The following CATSPERE variants were observed in gnomAD, a reference collection of about 807,000 sequenced individuals.
CATSPERE encodes catsper channel auxiliary subunit epsilon.
CATSPERE carries 93 observed loss-of-function variants against 114.1 expected under a neutral mutation model. That is an observed-to-expected ratio of 0.81 (90% CI 0.69 to 0.97). The LOEUF (loss-of-function observed/expected upper bound fraction) is 0.97. Among genes scored for constraint, CATSPERE ranks in the 50% least tolerant of loss-of-function variants. The pLI is 0.00. For missense variants in CATSPERE, 1,058 were observed against 1,131.6 expected (o/e 0.93, Z 0.93); for synonymous variants, 341 against 384.1 (o/e 0.89, Z 1.31).
intron 8 of CATSPERE, among the ~76,000 whole-genome samples, chr1:244,548,789 G>C (rs186512877): frequency 1.0e-3 from 156 of 152,336 alleles, no homozygotes; most frequent in African/African-American, 3.6e-3. Flanking sequence ...CCAGAAGGCT[G>C]TATATGCTCT....
intron 7 of CATSPERE, 72 bp downstream of exon 7, chr1:244,499,151 T>C: frequency 8.7e-7 from 1 of 1,150,558 alleles, no homozygotes; most frequent in Non-Finnish European, 1.3e-6. Context: ...CTGTGAAAAA[T>C]TTATAATCAA....
chr1:244,506,733 A>G (rs1162678463), intron 7 of CATSPERE, among the ~76,000 whole-genome samples: 1 of 152,194 alleles, frequency 6.6e-6, no homozygotes, highest in African/African-American at 2.4e-5. Context: ...TGGGATATCC[A>G]TCACCTCAAA....
At chr1:244,551,221 A>G (rs1660568229) in intron 8 of CATSPERE, among the ~76,000 whole-genome samples, 1 of 152,212 alleles carries the variant, frequency 6.6e-6, no homozygotes, top group African/African-American at 2.4e-5. Flanking sequence ...GGAAGGTGCT[A>G]AAGAATGTGC....
At chr1:244,624,536 C>T (rs1298019045) in intron 20 of CATSPERE, among the ~76,000 whole-genome samples, 2 of 152,126 alleles carry the variant, frequency 1.3e-5, no homozygotes, top group Non-Finnish European at 2.9e-5. Context: ...TGTGGTGGCT[C>T]ATGCCTGTAA....
At chr1:244,527,579 T>C (rs747553861) in intron 8 of CATSPERE, among the ~76,000 whole-genome samples, 22 of 152,056 alleles carry the variant, frequency 1.4e-4, no homozygotes, top group Non-Finnish European at 2.9e-4. Context: ...ACATACATCC[T>C]CCTCAGCTTA....
At position 244,610,325 on chromosome 1, in the gene CATSPERE, A is replaced by G. The variant is rs906138908; in HGVS notation, c.2489A>G (p.Glu830Gly). The change falls in exon 19 of 22, where the codon GAG (glutamate) becomes GGG (glycine). Residue 830 changes from glutamate to glycine, a missense_variant and splice_region_variant. Physicochemically the swap from Glu to Gly is moderately conservative, Grantham distance 98 (BLOSUM62 -2). This residue lies in a region of CATSPERE where 787 missense variants were observed against 905.6 expected (regional missense o/e 0.87). Transcript: ENST00000366534. ...CCACTAGAAGAAGTCTGGGGACCTG[A>G]GGTAAGAGAAACATTACCTTCCAGA... Reference protein sequence around the residue: ...HLPLEEVWGPENYKHCFSYAI... With the variant: ...HLPLEEVWGPGNYKHCFSYAI... The G allele has an allele frequency of 6.2e-7, 1 of 1,601,900 alleles. No individual in the cohort carries two copies. The highest frequency in any genetic ancestry group is 1.7e-5 in the Admixed American group (1 of 59,956).
intron 2 of CATSPERE, among the ~76,000 whole-genome samples, chr1:244,475,336 G>C (rs3006015): frequency 0.4 from 60,577 of 150,764 alleles, 12,749 homozygotes; most frequent in East Asian, 0.74. Context: ...TGGGTTCAAG[G>C]GATTCTCCTG....
chr1:244,605,936 A>G (rs752043600), intron 18 of CATSPERE, 142 bp downstream of exon 18: 10 of 506,466 alleles, frequency 2.0e-5, no homozygotes, highest in South Asian at 3.4e-5. Context: ...ATTAAATTAT[A>G]TGGCTACTAA....
chr1:244,558,013 C>T (rs1661926956), intron 9 of CATSPERE, among the ~76,000 whole-genome samples: 2 of 151,816 alleles, frequency 1.3e-5, no homozygotes, highest in East Asian at 3.9e-4. Flanking sequence ...TGCAATGCCA[C>T]AATCAAAACT....
intron 5 of CATSPERE, among the ~76,000 whole-genome samples, chr1:244,490,024 T>C (rs1181474319): frequency 6.6e-6 from 1 of 152,104 alleles, no homozygotes; most frequent in Non-Finnish European, 1.5e-5. Flanking sequence ...TGTAAAGTGG[T>C]TAGAAATGTG....
chr1:244,495,077 A>G (rs1672881326), intron 6 of CATSPERE, among the ~76,000 whole-genome samples: 1 of 152,240 alleles, frequency 6.6e-6, no homozygotes, highest in Admixed American at 6.5e-5. Context: ...CCTATAGAAA[A>G]TATATGTGTG....
chr1:244,569,268 C>T (rs186069097), intron 10 of CATSPERE, among the ~76,000 whole-genome samples: 37 of 152,368 alleles, frequency 2.4e-4, no homozygotes, highest in South Asian at 4.1e-4. Flanking sequence ...GGGCTGCACC[C>T]ACTGTCTAAC....
At chr1:244,628,020 T>C (rs184428615) in intron 20 of CATSPERE, among the ~76,000 whole-genome samples, 1 of 152,350 alleles carries the variant, frequency 6.6e-6, no homozygotes, top group Non-Finnish European at 1.5e-5. Flanking sequence ...ATCAGATCCA[T>C]TGTAGCGTTA....
intron 8 of CATSPERE, among the ~76,000 whole-genome samples, chr1:244,525,975 G>T (rs935164320): frequency 1.3e-5 from 2 of 152,202 alleles, no homozygotes; most frequent in Non-Finnish European, 2.9e-5. Flanking sequence ...CATCCTCAGA[G>T]TGTTGGCCTC....
chr1:244,578,873 T>C (rs974432869), intron 11 of CATSPERE, among the ~76,000 whole-genome samples: 6 of 147,510 alleles, frequency 4.1e-5, no homozygotes, highest in African/African-American at 1.5e-4. Context: ...TATCAATCAT[T>C]TCAACATTTT....
chr1:244,591,844 CTG>C, intron 15 of CATSPERE, 113 bp downstream of exon 15: 1 of 666,818 alleles, frequency 1.5e-6, no homozygotes, highest in Non-Finnish European at 2.6e-6. Context: ...CGGCTTGACA[CTG>C]TGCAGTCAGT....
At chr1:244,606,487 T>C (rs1421693207) in intron 18 of CATSPERE, among the ~76,000 whole-genome samples, 1 of 151,092 alleles carries the variant, frequency 6.6e-6, no homozygotes, top group Non-Finnish European at 1.5e-5. Context: ...CTTTCCGAAG[T>C]AATGTTCTTA....
chr1:244,609,048 T>G (rs1670371353), intron 18 of CATSPERE, among the ~76,000 whole-genome samples: 1 of 151,842 alleles, frequency 6.6e-6, no homozygotes, highest in Non-Finnish European at 1.5e-5. Context: ...TAGTTGGGTG[T>G]GGTAGCACAC....
chr1:244,605,381 G>C (rs1669849393), intron 17 of CATSPERE, among the ~76,000 whole-genome samples: 1 of 152,160 alleles, frequency 6.6e-6, no homozygotes, highest in Non-Finnish European at 1.5e-5. Context: ...AGAGAACTTA[G>C]AGTTCCAAAT....
Sources: allele counts gnomAD v4.1 joint callset (sites outside exome capture counted in the v4.1 genomes callset), GRCh38; gene constraint gnomAD v4.1.1; regional missense constraint gnomAD v4.1.1; transcripts MANE v1.5; gene names NCBI Gene and HGNC (gene_info 2026-07-23, HGNC 2026-07-21).